ARHGAP42: variants seen among roughly 807,000 people sequenced by gnomAD.
ARHGAP42 encodes rho GTPase-activating protein 42.
A neutral mutation model predicts 125.0 loss-of-function variants in ARHGAP42; 63 were observed. That is an observed-to-expected ratio of 0.50 (90% confidence interval 0.41 to 0.62). ARHGAP42 has a LOEUF of 0.62. Among genes scored for constraint, ARHGAP42 ranks in the 20% least tolerant of loss-of-function variants. The pLI, the probability that ARHGAP42 is intolerant of heterozygous loss-of-function variation, is 0.00. For missense variants in ARHGAP42, 766 were observed against 1,024.2 expected, an observed-to-expected ratio of 0.75 and a Z score of 3.44; for synonymous variants, 339 against 351.0, an observed-to-expected ratio of 0.97 and a Z score of 0.38.
At chr11:100,913,889 G>A (rs752075352) in intron 5 of ARHGAP42, among the ~76,000 whole-genome samples, 24 of 152,168 alleles carry the variant, frequency 1.6e-4, no homozygotes, top group African/African-American at 5.3e-4. Context: ...TTAAGGCCTT[G>A]CTTCAGCGTT....
At chr11:100,897,499 G>A (rs561210955) in intron 4 of ARHGAP42, among the ~76,000 whole-genome samples, 2,301 of 152,082 alleles carry the variant, frequency 0.015, 58 homozygotes, top group African/African-American at 0.051. Flanking sequence ...ATTTGTTTGT[G>A]TCCTCTTTTA....
At chr11:100,779,773 C>A (rs1012138438) in intron 2 of ARHGAP42, among the ~76,000 whole-genome samples, 5 of 151,584 alleles carry the variant, frequency 3.3e-5, no homozygotes, top group Non-Finnish European at 7.4e-5. Flanking sequence ...CATCTGTAAT[C>A]CCAGCACTTT....
chr11:100,782,077 A>G (rs1312447026), intron 2 of ARHGAP42, among the ~76,000 whole-genome samples: 1 of 152,074 alleles, frequency 6.6e-6, no homozygotes, highest in Admixed American at 6.6e-5. Flanking sequence ...ACCTTGATAT[A>G]TGTGATATTG....
chr11:100,702,831 A>T (rs1189954197), intron 1 of ARHGAP42, among the ~76,000 whole-genome samples: 1 of 151,906 alleles, frequency 6.6e-6, no homozygotes, highest in Non-Finnish European at 1.5e-5. Context: ...GTCACCATGC[A>T]TGGCTAATTT....
chr11:100,688,936 A>G (rs1840300155), intron 1 of ARHGAP42, among the ~76,000 whole-genome samples: 2 of 152,154 alleles, frequency 1.3e-5, no homozygotes. Flanking sequence ...TGGGGGCATC[A>G]TCTTTGTATA....
chr11:100,722,829 G>C (rs1403198123), intron 1 of ARHGAP42, among the ~76,000 whole-genome samples: 1 of 152,062 alleles, frequency 6.6e-6, no homozygotes, highest in African/African-American at 2.4e-5. Context: ...TTTTTTCTTT[G>C]GATCATACTT....
At chr11:100,736,970 T>C (rs903550074) in intron 1 of ARHGAP42, among the ~76,000 whole-genome samples, 3 of 152,156 alleles carry the variant, frequency 2.0e-5, no homozygotes, top group African/African-American at 7.2e-5. Flanking sequence ...ATCTAGAATT[T>C]GGGGCATCCT....
chr11:100,724,976 A>G (rs531341025), intron 1 of ARHGAP42, among the ~76,000 whole-genome samples: 46 of 151,842 alleles, frequency 3.0e-4, no homozygotes, highest in Non-Finnish European at 1.3e-4. Flanking sequence ...AGTTCCCTCT[A>G]AACACTGCTT....
chr11:100,986,429 G>C (rs1858679871), intron 22 of ARHGAP42: 1 of 212,344 alleles, frequency 4.7e-6, no homozygotes, highest in African/African-American at 2.4e-5. Context: ...AGCAGAGGCA[G>C]GGACACAAAG....
intron 1 of ARHGAP42, among the ~76,000 whole-genome samples, chr11:100,729,182 C>A (rs1861914175): frequency 6.6e-6 from 1 of 151,986 alleles, no homozygotes; most frequent in South Asian, 2.1e-4. Context: ...ACAAAATATA[C>A]AGATATGTAT....
At chr11:100,847,982 G>C (rs116715844) in intron 3 of ARHGAP42, among the ~76,000 whole-genome samples, 211 of 152,242 alleles carry the variant, frequency 1.4e-3, no homozygotes, top group African/African-American at 5.0e-3. Context: ...TGAAATGTAA[G>C]ATTAAGTTGG....
chr11:100,952,869 A>G (rs1374901674), intron 12 of ARHGAP42, among the ~76,000 whole-genome samples: 2 of 151,992 alleles, frequency 1.3e-5, no homozygotes, highest in Admixed American at 1.3e-4. Flanking sequence ...CTGGGATTAC[A>G]GGCACATGCC....
chr11:100,758,183 A>G (rs1372180804), intron 1 of ARHGAP42, among the ~76,000 whole-genome samples: 1 of 152,190 alleles, frequency 6.6e-6, no homozygotes, highest in Non-Finnish European at 1.5e-5. Flanking sequence ...TTGTCACTCC[A>G]TTTAAATTGT....
At chr11:100,706,062 C>T (rs1413589858) in intron 1 of ARHGAP42, among the ~76,000 whole-genome samples, 1 of 150,438 alleles carries the variant, frequency 6.6e-6, no homozygotes, top group African/African-American at 2.4e-5. Flanking sequence ...TCACTGCAAC[C>T]TCTGCATCCC....
intron 3 of ARHGAP42, among the ~76,000 whole-genome samples, chr11:100,849,834 C>T (rs777231074): frequency 1.6e-4 from 24 of 152,118 alleles, no homozygotes; most frequent in Non-Finnish European, 2.5e-4. Flanking sequence ...TTATTTATAT[C>T]GAGATAGCAT....
intron 2 of ARHGAP42, among the ~76,000 whole-genome samples, chr11:100,779,903 G>A (rs1863259631): frequency 6.6e-6 from 1 of 151,760 alleles, no homozygotes; most frequent in Non-Finnish European, 1.5e-5. Flanking sequence ...GCGCGTGCCT[G>A]TTGTCTCAGC....
At chr11:100,838,260 A>G (rs544520860) in intron 3 of ARHGAP42, among the ~76,000 whole-genome samples, 2 of 152,176 alleles carry the variant, frequency 1.3e-5, no homozygotes, top group South Asian at 2.1e-4. Context: ...AACTTTGATC[A>G]CTTGATTAAA....
intron 3 of ARHGAP42, among the ~76,000 whole-genome samples, chr11:100,847,773 G>A (rs1025762247): frequency 3.9e-5 from 6 of 152,178 alleles, no homozygotes; most frequent in African/African-American, 1.4e-4. Flanking sequence ...AGATAAATCA[G>A]TGGAGTAGAG....
At chr11:100,690,072 C>T (rs1350133705) in intron 1 of ARHGAP42, among the ~76,000 whole-genome samples, 1 of 152,170 alleles carries the variant, frequency 6.6e-6, no homozygotes, top group African/African-American at 2.4e-5. Flanking sequence ...TACCATGGGG[C>T]TGACCATTCC....
Sources: allele counts gnomAD v4.1 joint callset (sites outside exome capture counted in the v4.1 genomes callset), GRCh38; gene constraint gnomAD v4.1.1; transcripts MANE v1.5; gene names NCBI Gene and HGNC (gene_info 2026-07-23, HGNC 2026-07-21).